Variants in SFSWAP observed in about 807,000 individuals in gnomAD.
SFSWAP encodes splicing factor SWAP, also known as splicing factor, suppressor of white-apricot homolog.
Under a neutral mutation model 100.7 loss-of-function variants are expected in SFSWAP, and 17 were observed. The observed-to-expected ratio is 0.17, with a 90% CI of 0.12 to 0.25. The LOEUF is 0.25. Ranked by LOEUF, SFSWAP falls within the 10% of genes least tolerant of loss-of-function variation. The probability of loss-of-function intolerance (pLI) is 1.00; values close to 1 mark genes in which losing one functional copy is unlikely to be tolerated. For missense variants in SFSWAP, 1,005 were observed against 1,262.6 expected, an observed-to-expected ratio of 0.80 and a Z score of 3.09; for synonymous variants, 504 against 510.1, an observed-to-expected ratio of 0.99 and a Z score of 0.16.
At position 131,722,679 on chromosome 12, in the gene SFSWAP, G is replaced by A. The variant is rs534438362; in HGVS notation, c.607-2726G>A. Among the ~76,000 whole-genome samples, 24 of 152,060 alleles carry A rather than the reference G, an allele frequency of 1.6e-4. 1 individual carries two copies. The South Asian group carries it at 4.6e-3, about 29-fold the overall frequency. ...AATAATTTTACAGGCCAGGTGCAGC[G>A]GCTCATGTCTGTGATCCCAGCACTT... is the stretch of plus-strand genomic sequence containing the variant. On this transcript the variant is annotated intron_variant, in intron 4 of 17. Transcript: ENST00000261674.
chr12:131,736,286 A>G (rs184182427), intron 7 of SFSWAP, among the ~76,000 whole-genome samples: 15 of 152,394 alleles, frequency 9.8e-5, no homozygotes, highest in African/African-American at 3.6e-4. Context: ...ACCCAGTATC[A>G]GAATCACTTC....
intron 13 of SFSWAP, among the ~76,000 whole-genome samples, chr12:131,766,702 C>G (rs148579506): frequency 3.3e-5 from 5 of 152,276 alleles, no homozygotes; most frequent in African/African-American, 1.2e-4. Context: ...GGCAGAAATC[C>G]TTTTGCCACG....
At chr12:131,763,086 C>T (rs1882812517) in intron 11 of SFSWAP, among the ~76,000 whole-genome samples, 1 of 152,158 alleles carries the variant, frequency 6.6e-6, no homozygotes. Context: ...TCCCCTGAGG[C>T]AGTTGTTGAT....
At chr12:131,724,627 T>C (rs1163403558) in intron 4 of SFSWAP, among the ~76,000 whole-genome samples, 2 of 152,394 alleles carry the variant, frequency 1.3e-5, no homozygotes, top group East Asian at 3.8e-4. Context: ...ATTTTAGATG[T>C]GTGGCTTTCA....
intron 15 of SFSWAP, among the ~76,000 whole-genome samples, chr12:131,791,120 C>T (rs11246806): frequency 0.18 from 27,489 of 152,122 alleles, 4,981 homozygotes; most frequent in African/African-American, 0.46. Context: ...TGGCCTGGCG[C>T]GGTGGCTCAT....
chr12:131,731,227 G>A (rs144924758), intron 7 of SFSWAP, among the ~76,000 whole-genome samples: 5 of 152,348 alleles, frequency 3.3e-5, no homozygotes, highest in Admixed American at 2.0e-4. Context: ...GTGGCGTGGC[G>A]TTACGTCGGG....
intron 14 of SFSWAP, chr12:131,785,226 A>C: frequency 6.5e-7 from 1 of 1,533,936 alleles, no homozygotes; most frequent in Non-Finnish European, 8.7e-7. Context: ...GTAAAACGTC[A>C]AGGTGTCTAA....
At chr12:131,758,684 C>T (rs552620528) in intron 11 of SFSWAP, among the ~76,000 whole-genome samples, 5 of 152,338 alleles carry the variant, frequency 3.3e-5, no homozygotes, top group East Asian at 1.9e-4. Context: ...TGGTGGCTCA[C>T]GCCCATAATG....
intron 6 of SFSWAP, 40 bp from the exon 7 acceptor site, chr12:131,728,253 A>C (rs772838996): frequency 1.9e-6 from 3 of 1,612,178 alleles, no homozygotes; most frequent in African/African-American, 1.3e-5. Flanking sequence ...TGCATGGTTC[A>C]GAATATTGAA....
At chr12:131,759,199 G>A (rs1014145052) in intron 11 of SFSWAP, among the ~76,000 whole-genome samples, 3 of 152,046 alleles carry the variant, frequency 2.0e-5, no homozygotes, top group African/African-American at 4.8e-5. Context: ...GAAAAATATC[G>A]CTTTCTAAGA....
At chr12:131,756,837 G>A (rs1882221449) in intron 11 of SFSWAP, 193 bp downstream of exon 11, 4 of 581,130 alleles carry the variant, frequency 6.9e-6, no homozygotes, top group Admixed American at 3.2e-5. Flanking sequence ...TGGAGGTAAC[G>A]TGAGTGTGAG....
Position 131,753,256 on chromosome 12 carries a change from C to T in SFSWAP, c.1215C>T (p.Ser405=). 2 of 1,614,094 alleles carry T rather than the reference C, an allele frequency of 1.2e-6. No homozygotes were observed. Among genetic ancestry groups the T allele is most frequent in the African/African-American group, 1.3e-5 (1 of 75,010 alleles). The change falls in exon 8 of 18, where the codon TCC becomes TCT. Residue 405 remains serine, a synonymous_variant. Coordinates refer to ENST00000261674, the MANE Select transcript of SFSWAP (RefSeq NM_004592.4). ...TLPAGVTVSN[S]PGVTTTAPPP... is the part of the protein sequence containing the mutation. ...CTGCTGGCGTGACCGTGTCTAACTC[C>T]CCTGGAGTGACGACCACCGCCCCAC...
intron 14 of SFSWAP, among the ~76,000 whole-genome samples, chr12:131,781,967 C>T (rs1461128651): frequency 6.6e-6 from 1 of 152,194 alleles, no homozygotes; most frequent in Non-Finnish European, 1.5e-5. Flanking sequence ...CATTGGTTCC[C>T]CTCCACAGGG....
At chr12:131,719,656 A>G in intron 4 of SFSWAP, 117 bp downstream of exon 4, 4 of 785,480 alleles carry the variant, frequency 5.1e-6, no homozygotes, top group Non-Finnish European at 6.4e-6. Context: ...ATGCTTTAAA[A>G]TGGTTTGTGA....
Position 131,799,127 on chromosome 12 carries a change from C to G in SFSWAP, c.2790+18C>G, listed in dbSNP as rs199893333. 35 of 1,595,814 alleles carry G rather than the reference C, an allele frequency of 2.2e-5. No homozygotes were observed. Among genetic ancestry groups the G allele is most frequent in the South Asian group, 9.9e-5 (9 of 90,654 alleles). On this transcript the variant is annotated intron_variant, in intron 17 of 17. Coordinates refer to ENST00000261674, the MANE Select transcript of SFSWAP (RefSeq NM_004592.4). ...TCACTCAGGTCAGTGGGCACGCCCC[C>G]CTCCCGCTCCCAGCCTTTCATCAAG...
At chr12:131,783,306 C>T (rs890192966) in intron 14 of SFSWAP, among the ~76,000 whole-genome samples, 1 of 151,992 alleles carries the variant, frequency 6.6e-6, no homozygotes, top group Admixed American at 6.6e-5. Flanking sequence ...CATTTACAAC[C>T]TGAAATTAAA....
intron 7 of SFSWAP, among the ~76,000 whole-genome samples, chr12:131,738,277 A>G (rs1429641880): frequency 6.6e-6 from 1 of 152,208 alleles, no homozygotes; most frequent in Non-Finnish European, 1.5e-5. Flanking sequence ...ATTGTATGTC[A>G]AGAGAAGAAG....
intron 11 of SFSWAP, among the ~76,000 whole-genome samples, chr12:131,761,805 A>T (rs1454833836): frequency 6.6e-6 from 1 of 152,188 alleles, no homozygotes; most frequent in Non-Finnish European, 1.5e-5. Flanking sequence ...AAACTTAGTT[A>T]ATCTTTTCAG....
At chr12:131,782,159 G>T (rs1002804221) in intron 14 of SFSWAP, among the ~76,000 whole-genome samples, 12 of 152,242 alleles carry the variant, frequency 7.9e-5, no homozygotes, top group African/African-American at 2.9e-4. Flanking sequence ...ACAAGAAGAA[G>T]AAGAAGCTGG....
Sources: allele counts gnomAD v4.1 joint callset (sites outside exome capture counted in the v4.1 genomes callset), GRCh38; gene constraint gnomAD v4.1.1; transcripts MANE v1.5; gene names NCBI Gene and HGNC (gene_info 2026-07-23, HGNC 2026-07-21).